Variants in PRRC2B observed in about 807,000 individuals in gnomAD.
PRRC2B encodes protein PRRC2B.
Under a neutral mutation model 242.3 loss-of-function variants are expected in PRRC2B, and 68 were observed. That is an observed-to-expected ratio of 0.28 (90% confidence interval 0.23 to 0.34). The LOEUF (loss-of-function observed/expected upper bound fraction) is 0.34, where lower values mean the gene tolerates loss of function less well. PRRC2B is among the 10% of genes least tolerant of loss of function. The pLI, the probability that PRRC2B is intolerant of heterozygous loss-of-function variation, is 1.00. For synonymous variants in PRRC2B, 1,228 were observed against 1,173.6 expected (o/e 1.05, Z -0.95); for missense variants, 2,835 against 2,954.8 (o/e 0.96, Z 0.94).
chr9:131,444,837 G>A lies in PRRC2B; in HGVS notation c.613+509G>A, dbSNP rs138224358. The stretch of plus-strand genomic sequence containing the variant: ...CTCTACTGGCCCCTCATCTTAGGTC[G>A]GGCCAGGGAAGTGGCAGGATTGTGT... On this transcript the variant is annotated intron_variant, in intron 6 of 31. Coordinates refer to ENST00000683519, the MANE Select transcript of PRRC2B (RefSeq NM_013318.4). Among the ~76,000 whole-genome samples, 602 of 152,162 alleles carry A rather than the reference G, an allele frequency of 4.0e-3. 5 individuals carry two copies. Among genetic ancestry groups the A allele is most frequent in the Non-Finnish European group, 3.9e-3 (262 of 68,000 alleles).
chr9:131,429,077 G>C (rs1436585069), intron 1 of PRRC2B, among the ~76,000 whole-genome samples: 2 of 152,150 alleles, frequency 1.3e-5, no homozygotes, highest in Non-Finnish European at 2.9e-5. Flanking sequence ...CTCCTCAGTA[G>C]CTGGAATTAC....
intron 4 of PRRC2B, 24 bp from the exon 5 acceptor site, chr9:131,438,965 T>C (rs1838465321): frequency 1.3e-6 from 2 of 1,596,324 alleles, no homozygotes; most frequent in Non-Finnish European, 1.7e-6. Context: ...GCTGGCCCTC[T>C]TCTGATTCTC....
chr9:131,400,648 G>A lies in PRRC2B; in HGVS notation c.-52+6385G>A, dbSNP rs1417884961. 2.6e-5 allele frequency among the ~76,000 whole-genome samples: 4 copies of A among 152,098 alleles called. No homozygotes were observed. The South Asian group carries it at 8.3e-4, about 32-fold the overall frequency. On this transcript the variant is annotated intron_variant, in intron 1 of 31. Transcript: ENST00000683519. ...GGCTGTTTCAGACTCCTGGACTCAA[G>A]TGATCCCTCCGCCTCCGCCTATCAA...
chr9:131,475,900 A>G lies in PRRC2B; in HGVS notation c.3771A>G (p.Pro1257=). Residue 1257 remains proline, a synonymous_variant, in exon 16 of 32, where the codon CCA becomes CCG. Coordinates refer to ENST00000683519, the MANE Select transcript of PRRC2B (RefSeq NM_013318.4). ...GACCTACAGACAGAGACTATGTCCC[A>G]GATTCCTACAGACACCCTGACGCAT... The part of the protein sequence containing the change: ...SRRPTDRDYV[P]DSYRHPDAFG... 1 of 1,613,904 alleles carries G rather than the reference A, an allele frequency of 6.2e-7. No individual in the cohort carries two copies. Among genetic ancestry groups the G allele is most frequent in the Non-Finnish European group, 8.5e-7 (1 of 1,179,852 alleles).
intron 1 of PRRC2B, among the ~76,000 whole-genome samples, chr9:131,376,550 G>A (rs948951569): frequency 2.6e-5 from 4 of 152,064 alleles, no homozygotes; most frequent in Non-Finnish European, 4.4e-5. Context: ...GGGGCCATAA[G>A]ACAGGTATGG....
intron 28 of PRRC2B, 80 bp from the exon 29 acceptor site, chr9:131,491,345 C>T: frequency 7.5e-7 from 1 of 1,338,556 alleles, no homozygotes. Context: ...ATCTGAAGTG[C>T]ATGTGCGGTC....
chr9:131,433,488 A>T (rs2994051), intron 3 of PRRC2B, among the ~76,000 whole-genome samples: 134,081 of 152,272 alleles, frequency 0.88, 59,574 homozygotes, highest in South Asian at 0.97. Context: ...GCCCACTTGG[A>T]TGGCTGCACC....
At chr9:131,470,224 T>C (rs932366176) in intron 13 of PRRC2B, among the ~76,000 whole-genome samples, 2 of 152,102 alleles carry the variant, frequency 1.3e-5, no homozygotes, top group Non-Finnish European at 2.9e-5. Flanking sequence ...TGTAACACCG[T>C]AGGTCACGAG....
At chr9:131,392,094 A>G (rs1353538331), upstream of PRRC2B, among the ~76,000 whole-genome samples, 1 of 139,378 alleles carries the variant, frequency 7.2e-6, no homozygotes, top group Admixed American at 7.4e-5. Flanking sequence ...TTGCTTGTTT[A>G]TTTTCTTTCT....
chr9:131,444,946 C>A (rs529588523), intron 6 of PRRC2B, among the ~76,000 whole-genome samples: 2 of 152,146 alleles, frequency 1.3e-5, no homozygotes, highest in Non-Finnish European at 2.9e-5. Context: ...TCCACGTGTT[C>A]TACTCAGGGA....
chr9:131,422,406 C>CA (rs1414199617), intron 1 of PRRC2B, among the ~76,000 whole-genome samples: 1 of 152,190 alleles, frequency 6.6e-6, no homozygotes, highest in Non-Finnish European at 1.5e-5. Flanking sequence ...CCTTCTCTGT[C>CA]AAACAGGCAG....
intron 28 of PRRC2B, among the ~76,000 whole-genome samples, chr9:131,489,300 C>G (rs562213575): frequency 1.2e-4 from 18 of 151,624 alleles, no homozygotes; most frequent in African/African-American, 3.9e-4. Context: ...AATTATCGTG[C>G]CTCAGCCTCC....
At position 131,436,647 on chromosome 9, in the gene PRRC2B, G is replaced by A. The variant is rs777387509; in HGVS notation, c.321G>A (p.Pro107=). The change falls in exon 4 of 32, where the codon CCG becomes CCA. Residue 107 remains proline (P), a synonymous_variant. Transcript: ENST00000683519. Reference sequence around the variant, plus strand: ...CCAGTGCGACGGCCTCTCAGCCGCCGGAGTCGCTGCCGCAGCCGGGTTTGC... The same window carrying A: ...CCAGTGCGACGGCCTCTCAGCCGCCAGAGTCGCTGCCGCAGCCGGGTTTGC... The part of the protein sequence containing the change: ...KSSSATASQP[P]ESLPQPGLQK... 40 of 1,613,864 alleles carry A rather than the reference G, an allele frequency of 2.5e-5. No homozygotes were observed. The highest frequency in any genetic ancestry group is 2.9e-5 in the Non-Finnish European group (34 of 1,179,880).
intron 12 of PRRC2B, 94 bp downstream of exon 12, chr9:131,465,172 C>G (rs917167332): frequency 1.6e-6 from 2 of 1,219,232 alleles, no homozygotes; most frequent in South Asian, 3.1e-5. Flanking sequence ...GCTAGCAGAA[C>G]GTATGGCTTA....
chr9:131,470,776 C>G lies in PRRC2B; in HGVS notation c.1912-12C>G, dbSNP rs776520768. On this transcript the variant is annotated splice_polypyrimidine_tract_variant and intron_variant, in intron 13 of 31. Coordinates refer to ENST00000683519, the MANE Select transcript of PRRC2B (RefSeq NM_013318.4). ...CACCAGCCTGACCAAGTCTCTCTCTCTCTGTGGGCAGGAGCAGCTGTACAA... is the reference window on the plus strand; with the variant it reads ...CACCAGCCTGACCAAGTCTCTCTCTGTCTGTGGGCAGGAGCAGCTGTACAA... 1.3e-4 allele frequency: 217 copies of G among 1,609,746 alleles called. No homozygotes were observed. Among genetic ancestry groups the G allele is most frequent in the Non-Finnish European group, 1.8e-4 (208 of 1,177,726 alleles).
intron 25 of PRRC2B, among the ~76,000 whole-genome samples, chr9:131,485,356 C>T (rs965555630): frequency 1.3e-5 from 2 of 152,316 alleles, no homozygotes; most frequent in South Asian, 2.1e-4. Context: ...GGGATAACAG[C>T]GAGGCACTCC....
chr9:131,445,558 C>A (rs1328187807), intron 6 of PRRC2B, among the ~76,000 whole-genome samples: 2 of 152,202 alleles, frequency 1.3e-5, no homozygotes, highest in Non-Finnish European at 2.9e-5. Context: ...GAAGAAGCTT[C>A]TAAGCATCAG....
In PRRC2B at chr9:131,475,531, C is replaced by T. The variant is rs1943666582; in HGVS notation, c.3402C>T (p.Thr1134=). The T allele has an allele frequency of 2.5e-6, 4 of 1,612,154 alleles. No individual in the cohort carries two copies. The highest frequency in any genetic ancestry group is 1.3e-5 in the African/African-American group (1 of 74,998). ...CCCGACGGAGAGTTGCCAGTGAGACCCATAGCGAGGGCTCAGAGTATGAAG... is the reference window on the plus strand; with the variant it reads ...CCCGACGGAGAGTTGCCAGTGAGACTCATAGCGAGGGCTCAGAGTATGAAG... ...AKPRRRVASE[T]HSEGSEYEEL... Residue 1134 remains threonine (T), a synonymous_variant, in exon 16 of 32, where the codon ACC becomes ACT. Coordinates refer to ENST00000683519, the MANE Select transcript of PRRC2B (RefSeq NM_013318.4).
intron 1 of PRRC2B, among the ~76,000 whole-genome samples, chr9:131,396,312 TTTC>T (rs1837054698): frequency 1.5e-5 from 2 of 136,426 alleles, no homozygotes; most frequent in South Asian, 2.4e-4. Flanking sequence ...TTCCTTCTTT[TTTC>T]TTTTCTTTTC....
Sources: allele counts gnomAD v4.1 joint callset (sites outside exome capture counted in the v4.1 genomes callset), GRCh38; gene constraint gnomAD v4.1.1; transcripts MANE v1.5; gene names NCBI Gene and HGNC (gene_info 2026-07-23, HGNC 2026-07-21).